MARCO: variants seen among roughly 807,000 people sequenced by gnomAD.
The protein encoded by MARCO is macrophage receptor with collagenous structure, also known as macrophage receptor MARCO.
A neutral mutation model predicts 70.0 loss-of-function variants in MARCO; 72 were observed. The ratio of observed to expected loss-of-function variants is 1.03; its 90% CI spans 0.85 to 1.25. MARCO has a LOEUF of 1.25. MARCO is among the 50% of genes most tolerant of loss of function. The pLI is 0.00. For missense variants in MARCO, 696 were observed against 659.3 expected, an observed-to-expected ratio of 1.06 and a Z score of -0.61; for synonymous variants, 273 against 243.1, an observed-to-expected ratio of 1.12 and a Z score of -1.14.
intron 12 of MARCO, among the ~76,000 whole-genome samples, chr2:118,985,226 G>C (rs1002688746): frequency 2.0e-5 from 3 of 152,182 alleles, no homozygotes; most frequent in Non-Finnish European, 4.4e-5. Flanking sequence ...TCTGATTCCA[G>C]AGTTGTGCTT....
At chr2:118,965,933 A>G (rs72836146) in intron 1 of MARCO, among the ~76,000 whole-genome samples, 19,494 of 152,164 alleles carry the variant, frequency 0.13, 1,380 homozygotes, top group South Asian at 0.27. Flanking sequence ...AAGGGAAGAC[A>G]TTACTTCTCT....
chr2:118,978,260 G>A (rs994212370), intron 8 of MARCO, among the ~76,000 whole-genome samples: 1 of 152,178 alleles, frequency 6.6e-6, no homozygotes, highest in Non-Finnish European at 1.5e-5. Flanking sequence ...TGGTGGCAAG[G>A]GCAAGGGGAT....
intron 8 of MARCO, among the ~76,000 whole-genome samples, chr2:118,978,467 G>A (rs879827521): frequency 6.6e-6 from 1 of 152,220 alleles, no homozygotes; most frequent in Non-Finnish European, 1.5e-5. Flanking sequence ...CACCACACTC[G>A]AAGAAACACT....
chr2:118,974,695 T>A, intron 6 of MARCO, 130 bp downstream of exon 6: 1 of 897,210 alleles, frequency 1.1e-6, no homozygotes, highest in Non-Finnish European at 1.7e-6. Context: ...GGAGGCCTGG[T>A]GGGAGACCCC....
intron 1 of MARCO, among the ~76,000 whole-genome samples, chr2:118,966,877 C>T (rs1680061929): frequency 1.3e-5 from 2 of 152,226 alleles, no homozygotes; most frequent in Admixed American, 1.3e-4. Flanking sequence ...TGAGGCTCCC[C>T]TCGTGTGTTA....
intron 12 of MARCO, among the ~76,000 whole-genome samples, chr2:118,985,660 A>T (rs1172168849): frequency 6.6e-6 from 1 of 152,210 alleles, no homozygotes; most frequent in African/African-American, 2.4e-5. Flanking sequence ...AGAATAATCC[A>T]ATTTTAGCTC....
chr2:118,984,164 C>T (rs986721805), intron 12 of MARCO, among the ~76,000 whole-genome samples: 7 of 152,184 alleles, frequency 4.6e-5, no homozygotes, highest in African/African-American at 1.7e-4. Flanking sequence ...CCCAGCCCCA[C>T]AATCAGGGTG....
At chr2:118,973,282 T>C (rs1368847420) in intron 4 of MARCO, among the ~76,000 whole-genome samples, 1 of 152,164 alleles carries the variant, frequency 6.6e-6, no homozygotes, top group Non-Finnish European at 1.5e-5. Flanking sequence ...TCTCTCTCCA[T>C]GTCTCCCTCT....
chr2:118,964,852 C>T (rs184140173), intron 1 of MARCO, among the ~76,000 whole-genome samples: 4 of 149,660 alleles, frequency 2.7e-5, no homozygotes, highest in Middle Eastern at 3.5e-3. Context: ...CATGCCAGTA[C>T]ACTCCAGCCT....
intron 1 of MARCO, among the ~76,000 whole-genome samples, chr2:118,950,654 T>C (rs1042136058): frequency 2.6e-5 from 4 of 152,264 alleles, no homozygotes; most frequent in African/African-American, 9.6e-5. Context: ...AATTTTGTTT[T>C]TCACAACTTT....
intron 6 of MARCO, 134 bp from the exon 7 acceptor site, chr2:118,977,337 T>C: frequency 1.4e-6 from 1 of 700,580 alleles, no homozygotes; most frequent in Admixed American, 2.1e-5. Flanking sequence ...AGAGAGAGAG[T>C]GAGAGTGAGA....
intron 4 of MARCO, among the ~76,000 whole-genome samples, chr2:118,974,070 G>T (rs146740034): frequency 5.0e-4 from 76 of 152,284 alleles, no homozygotes; most frequent in African/African-American, 1.8e-3. Flanking sequence ...TCAAAATGAT[G>T]ATGTAACTTG....
chr2:118,966,026 G>A (rs1299881278), intron 1 of MARCO, among the ~76,000 whole-genome samples: 1 of 152,070 alleles, frequency 6.6e-6, no homozygotes, highest in Non-Finnish European at 1.5e-5. Context: ...CACGGGAGGA[G>A]GACACCCTAC....
At chr2:118,957,916 T>C (rs1679868457) in intron 1 of MARCO, among the ~76,000 whole-genome samples, 1 of 152,076 alleles carries the variant, frequency 6.6e-6, no homozygotes, top group Non-Finnish European at 1.5e-5. Flanking sequence ...ATCATTTCAA[T>C]AGATGCAGAA....
chr2:118,952,849 T>TAACAAA (rs1679750340), intron 1 of MARCO: 1 of 152,070 alleles, frequency 6.6e-6, no homozygotes, highest in Non-Finnish European at 1.5e-5. Context: ...TTGTTAGAAA[T>TAACAAA]ATCAAAATTG....
intron 10 of MARCO, 31 bp from the exon 11 acceptor site, chr2:118,982,125 C>T (rs1680403889): frequency 6.5e-7 from 1 of 1,547,962 alleles, no homozygotes; most frequent in African/African-American, 1.4e-5. Flanking sequence ...TGCCAACCAC[C>T]ACAGCCTGGC....
At chr2:118,981,551 CTTT>C (rs111379161) in intron 9 of MARCO, 44 bp downstream of exon 9, 150 of 1,446,410 alleles carry the variant, frequency 1.0e-4, no homozygotes, top group South Asian at 1.5e-4. Flanking sequence ...TAGGTATTTC[CTTT>C]TTTTTTTTTT....
intron 1 of MARCO, among the ~76,000 whole-genome samples, chr2:118,965,977 A>T (rs1680037708): frequency 6.6e-6 from 1 of 152,142 alleles, no homozygotes; most frequent in Non-Finnish European, 1.5e-5. Flanking sequence ...GTGCTAGGGT[A>T]GAGTGAGGAC....
intron 6 of MARCO, among the ~76,000 whole-genome samples, chr2:118,974,829 A>G (rs1319454995): frequency 6.6e-6 from 1 of 151,572 alleles, no homozygotes; most frequent in African/African-American, 2.4e-5. Context: ...TGTGACTCCT[A>G]CCCCCTCCTC....
Sources: gnomAD v4.1 joint callset for allele counts (sites outside exome capture counted in the v4.1 genomes callset) on GRCh38, gnomAD v4.1.1 for gene constraint, MANE v1.5 for transcripts, NCBI Gene and HGNC (gene_info 2026-07-23, HGNC 2026-07-21) for gene names.